Variants in KCNH6 observed in about 807,000 individuals in gnomAD.
KCNH6 encodes voltage-gated inwardly rectifying potassium channel KCNH6.
Under a neutral mutation model 83.4 loss-of-function variants are expected in KCNH6, and 81 were observed. That is an observed-to-expected ratio of 0.97 (90% CI 0.81 to 1.17). The LOEUF is 1.17. Ranked by LOEUF, KCNH6 falls within the 50% of genes most tolerant of loss-of-function variation. The pLI is 0.00. For synonymous variants in KCNH6, 503 were observed against 545.6 expected, an observed-to-expected ratio of 0.92 and a Z score of 1.09; for missense variants, 1,203 against 1,290.5, an observed-to-expected ratio of 0.93 and a Z score of 1.04.
chr17:63,525,908 G>A (rs902745940), intron 2 of KCNH6, among the ~76,000 whole-genome samples: 6 of 152,218 alleles, frequency 3.9e-5, no homozygotes, highest in African/African-American at 1.4e-4. Flanking sequence ...GGGACAGCAG[G>A]AAATGGGGGT....
At chr17:63,526,477 C>G (rs1037503604) in intron 2 of KCNH6, among the ~76,000 whole-genome samples, 1 of 151,664 alleles carries the variant, frequency 6.6e-6, no homozygotes, top group Non-Finnish European at 1.5e-5. Context: ...CCATCCCAGC[C>G]TCCTGAGTAG....
chr17:63,546,524 G>T lies in KCNH6; in HGVS notation c.*622G>T, dbSNP rs1397691303. The T allele has an allele frequency of 6.6e-6, 1 of 152,478 alleles. No individual in the cohort carries two copies. Among genetic ancestry groups the T allele is most frequent in the African/African-American group, 2.4e-5 (1 of 41,430 alleles). The allele number at this position is 152,478 out of a possible 1,614,324, so 9.4% of individuals were successfully genotyped here. ...GAGCCTCCCAGCTCAGAACCCTCCA[G>T]CACCTCATGGCTCAGCACCAAGGCC... On this transcript the variant is annotated 3_prime_UTR_variant, in exon 13 of 13. Coordinates refer to ENST00000314672, the MANE Select transcript of KCNH6 (RefSeq NM_001278919.2).
rs974285027 is a variant in KCNH6, at chr17:63,525,880, G to C, written c.307+1511G>C. 5.3e-5 allele frequency among the ~76,000 whole-genome samples: 8 copies of C among 152,306 alleles called. No individual in the cohort carries two copies. In the East Asian group the frequency reaches 7.7e-4, roughly 15 times the overall value. On this transcript the variant is annotated intron_variant, in intron 2 of 12. Transcript: ENST00000314672. ...AGGTGGCAGTCAGGGGAGTGAGAAGGGTCCTGGGGAACAGGATGGGACAGC... is the reference window on the plus strand; with the variant it reads ...AGGTGGCAGTCAGGGGAGTGAGAAGCGTCCTGGGGAACAGGATGGGACAGC...
Position 63,533,803 on chromosome 17 carries a change from C to A in KCNH6, c.676-83C>A. 1 of 1,365,756 alleles carries A rather than the reference C, an allele frequency of 7.3e-7. No homozygotes were observed. The highest frequency in any genetic ancestry group is 1.0e-6 in the Non-Finnish European group (1 of 989,108). The allele number at this position is 1,365,756 out of a possible 1,614,324, so 84.6% of individuals were successfully genotyped here. On this transcript the variant is annotated intron_variant, in intron 4 of 12. Transcript: ENST00000314672. The surrounding 1 kb of genome is among the most constrained non-coding windows in gnomAD (Gnocchi z 4.1). The stretch of plus-strand genomic sequence containing the variant: ...TGGTCACCCACCCTCTCCCACTACA[C>A]CTTCCCCAGGCCTCAGCCCTCTAGG...
chr17:63,527,791 A>G (rs540207586), intron 2 of KCNH6, among the ~76,000 whole-genome samples: 7 of 152,154 alleles, frequency 4.6e-5, no homozygotes, highest in Non-Finnish European at 1.0e-4. Flanking sequence ...AGCAAGGACA[A>G]CCTGGGGCAG....
chr17:63,541,655 T>TG (rs1204938643), intron 8 of KCNH6, among the ~76,000 whole-genome samples: 1 of 152,042 alleles, frequency 6.6e-6, no homozygotes, highest in Non-Finnish European at 1.5e-5. Flanking sequence ...AACAGTCCAG[T>TG]GGGGTTGGCA....
At position 63,533,883 on chromosome 17, in the gene KCNH6, C is replaced by T. The variant is rs2032286191; in HGVS notation, c.676-3C>T. The T allele has an allele frequency of 3.7e-6, 6 of 1,610,866 alleles. No homozygotes were observed. The highest frequency in any genetic ancestry group is 5.1e-6 in the Non-Finnish European group (6 of 1,178,422). Reference sequence around the variant, plus strand: ...CCTGACCTCCCTCGGCCCCCACCCCCAGGTCCTGTCCCTGGGCGCGGATGT... The same window carrying T: ...CCTGACCTCCCTCGGCCCCCACCCCTAGGTCCTGTCCCTGGGCGCGGATGT... On this transcript the variant is annotated splice_polypyrimidine_tract_variant and splice_region_variant and intron_variant, in intron 4 of 12. Transcript: ENST00000314672. This position sits in a 1 kb window ranked among gnomAD's most constrained non-coding sequence, Gnocchi z 4.1.
At chr17:63,547,823 C>T (rs73332051), downstream of KCNH6, among the ~76,000 whole-genome samples, 1,964 of 151,966 alleles carry the variant, frequency 0.013, 37 homozygotes, top group African/African-American at 0.045. Context: ...CATTGTGATG[C>T]GCACCTGTAG....
At chr17:63,530,683 C>T (rs1431909123) in intron 4 of KCNH6, 141 bp downstream of exon 4, 25 of 731,170 alleles carry the variant, frequency 3.4e-5, no homozygotes, top group East Asian at 1.3e-4. Flanking sequence ...GTTTGAGCCC[C>T]GGGCCTCCTG....
Position 63,534,250 on chromosome 17 carries a change from T to C in KCNH6, c.1040T>C (p.Leu347Pro). 1 of 1,614,144 alleles carries C rather than the reference T, an allele frequency of 6.2e-7. No individual in the cohort carries two copies. Among genetic ancestry groups the C allele is most frequent in the African/African-American group, 1.3e-5 (1 of 75,022 alleles). ...GTCCACTACTTCAAGGGCTGGTTCC[T>C]CATTGACATGGTGGCCGCCATCCCT... ...IAVHYFKGWF[L>P]IDMVAAIPFD... is the part of the protein sequence containing the mutation. The change falls in exon 5 of 13, where the codon CTC becomes CCC. Residue 347 changes from leucine (L) to proline (P), a missense_variant. Physicochemically the swap from Leu to Pro is moderately conservative, Grantham distance 98 (BLOSUM62 -3). Coordinates refer to ENST00000314672, the MANE Select transcript of KCNH6 (RefSeq NM_001278919.2). This position sits in a 1 kb window ranked among gnomAD's most constrained non-coding sequence, Gnocchi z 5.0.
chr17:63,542,584 T>C, intron 9 of KCNH6, 150 bp downstream of exon 9: 1 of 676,972 alleles, frequency 1.5e-6, no homozygotes, highest in Non-Finnish European at 2.5e-6. Flanking sequence ...GCTGGCGTCA[T>C]GCTAAGTATG....
rs1284178567 is a variant in KCNH6 at position 63,545,224 on chromosome 17, C to G, written c.2543C>G (p.Pro848Arg). The stretch of plus-strand genomic sequence containing the variant: ...CCTATAGCCTCGGAGACGACGAGTC[C>G]AGGGCCCAGGCTGCCCCAGGGCTTT... The part of the protein sequence containing the change: ...LVPIASETTS[P>R]GPRLPQGFLP... The change falls in exon 12 of 13, where the codon CCA (proline) becomes CGA (arginine). Residue 848 changes from proline to arginine, a missense_variant. Coordinates refer to ENST00000314672, the MANE Select transcript of KCNH6 (RefSeq NM_001278919.2). 1 of 1,613,714 alleles carries G rather than the reference C, an allele frequency of 6.2e-7. No homozygotes were observed. The highest frequency in any genetic ancestry group is 1.7e-5 in the Admixed American group (1 of 60,018).
rs1171206994 is a variant in KCNH6, at chr17:63,545,181, A to C, written c.2500A>C (p.Asn834His). The change falls in exon 12 of 13, where the codon AAT becomes CAT. Residue 834 changes from asparagine (N) to histidine (H), a missense_variant. Asn to His is a moderately conservative substitution (Grantham distance 68). Coordinates refer to ENST00000314672, the MANE Select transcript of KCNH6 (RefSeq NM_001278919.2). ...ASYILEAPAS[N>H]DLALVPIASE... Reference sequence around the variant, plus strand: ...CTACATTCTGGAAGCCCCTGCCTCCAATGACCTGGCCTTGGTTCCTATAGC... The same window carrying C: ...CTACATTCTGGAAGCCCCTGCCTCCCATGACCTGGCCTTGGTTCCTATAGC... 2.5e-6 allele frequency: 4 copies of C among 1,613,728 alleles called. No homozygotes were observed. The African/African-American group carries it at 5.3e-5, about 22-fold the overall frequency.
chr17:63,529,942 C>A, intron 2 of KCNH6, 149 bp from the exon 3 acceptor site: 1 of 812,138 alleles, frequency 1.2e-6, no homozygotes, highest in Non-Finnish European at 1.9e-6. Flanking sequence ...CCTCACCCAC[C>A]CTCTGCCCAG....
rs2032274920 is a variant in KCNH6 at position 63,533,760 on chromosome 17, C to T, written c.676-126C>T. The T allele has an allele frequency of 1.3e-6, 1 of 797,348 alleles. No homozygotes were observed. The highest frequency in any genetic ancestry group is 2.5e-5 in the Admixed American group (1 of 39,806). 49.4% of individuals were successfully genotyped at this position (797,348 alleles called of 1,614,324 possible). Reference sequence around the variant, plus strand: ...CCCCACCCCATCTCTCCCTCATCCCCTCTGCCCACCAGAGCCGTGGTCACC... The same window carrying T: ...CCCCACCCCATCTCTCCCTCATCCCTTCTGCCCACCAGAGCCGTGGTCACC... On this transcript the variant is annotated intron_variant, in intron 4 of 12. Transcript: ENST00000314672. This position sits in a 1 kb window ranked among gnomAD's most constrained non-coding sequence, Gnocchi z 4.1.
Position 63,523,523 on chromosome 17 carries a change from C to T in KCNH6, c.76+34C>T. The T allele has an allele frequency of 6.3e-7, 1 of 1,577,748 alleles. No homozygotes were observed. Among genetic ancestry groups the T allele is most frequent in the South Asian group, 1.1e-5 (1 of 88,846 alleles). ...GTGTATGTTGGGGCGGGGGGACGAT[C>T]TGGAGTCCTGGTTCCGTGAAAGGGG... On this transcript the variant is annotated intron_variant, in intron 1 of 12. Coordinates refer to ENST00000314672, the MANE Select transcript of KCNH6 (RefSeq NM_001278919.2). The surrounding 1 kb of genome is among the most constrained non-coding windows in gnomAD (Gnocchi z 4.2).
At chr17:63,536,723 G>A (rs1004977524) in intron 6 of KCNH6, among the ~76,000 whole-genome samples, 5 of 151,946 alleles carry the variant, frequency 3.3e-5, no homozygotes, top group African/African-American at 4.8e-5. Flanking sequence ...TTGGGAGGCC[G>A]AGGTGGGCGG....
At position 63,535,956 on chromosome 17, in the gene KCNH6, T is replaced by C. The variant is rs764105059; in HGVS notation, c.1389T>C (p.Tyr463=). Residue 463 remains tyrosine, a synonymous_variant, in exon 6 of 13, where the codon TAT becomes TAC. Transcript: ENST00000314672. The surrounding 1 kb of genome is among the most constrained non-coding windows in gnomAD (Gnocchi z 4.9). ...PASGPSVQDK[Y]VTALYFTFSS... is the part of the protein sequence containing the mutation. ...CGGGCCCCTCGGTGCAGGACAAGTA[T>C]GTCACAGCCCTCTACTTCACCTTCA... is the stretch of plus-strand genomic sequence containing the variant. 1.4e-5 allele frequency: 22 copies of C among 1,613,802 alleles called. No homozygotes were observed. In the Admixed American group the frequency reaches 2.8e-4, roughly 21 times the overall value.
intron 8 of KCNH6, among the ~76,000 whole-genome samples, chr17:63,541,911 C>A (rs926596070): frequency 2.0e-5 from 3 of 152,188 alleles, no homozygotes; most frequent in African/African-American, 4.8e-5. Context: ...AGATGTTGAG[C>A]CTTTAGGGCC....
Sources: gnomAD v4.1 joint callset for allele counts (sites outside exome capture counted in the v4.1 genomes callset) on GRCh38, gnomAD v4.1.1 for gene constraint, Gnocchi (gnomAD v3.1) non-coding constraint, MANE v1.5 for transcripts, NCBI Gene and HGNC (gene_info 2026-07-23, HGNC 2026-07-21) for gene names.